Variants in FILIP1L observed in about 807,000 individuals in gnomAD.
FILIP1L encodes the protein filamin A-interacting protein 1-like.
In FILIP1L, 55 loss-of-function variants were observed where a neutral mutation model predicts 96.6. The ratio of observed to expected loss-of-function variants is 0.57; its 90% CI spans 0.46 to 0.71. The LOEUF is 0.71. FILIP1L is among the 30% of genes least tolerant of loss of function. The pLI is 0.00. For missense variants in FILIP1L, 1,304 were observed against 1,321.2 expected, an observed-to-expected ratio of 0.99 and a Z score of 0.20; for synonymous variants, 467 against 473.9, an observed-to-expected ratio of 0.99 and a Z score of 0.19.
intron 4 of FILIP1L, among the ~76,000 whole-genome samples, chr3:99,892,539 C>T (rs1205342734): frequency 6.6e-6 from 1 of 152,200 alleles, no homozygotes; most frequent in Non-Finnish European, 1.5e-5. Flanking sequence ...CTCCCTGGTT[C>T]TTGTGGCTTT....
chr3:99,890,768 G>A (rs1359540613), intron 4 of FILIP1L, among the ~76,000 whole-genome samples: 3 of 150,964 alleles, frequency 2.0e-5, no homozygotes, highest in South Asian at 4.2e-4. Flanking sequence ...CTTACATGCT[G>A]TCTGATTATT....
intron 1 of FILIP1L, among the ~76,000 whole-genome samples, chr3:100,024,772 C>G (rs1210433304): frequency 1.3e-5 from 2 of 152,148 alleles, no homozygotes; most frequent in Non-Finnish European, 2.9e-5. Flanking sequence ...GTTACGGAGG[C>G]TTCTGAATCT....
In FILIP1L at chr3:100,090,153, T is replaced by C. The variant is rs139240193; in HGVS notation, c.-11+23900A>G. The stretch of plus-strand genomic sequence containing the variant: ...GCTTGTTCCAAGGGCAGTCCCTCCC[T>C]AAACTATGAAGCACTCTATGAATGC... On this transcript the variant is annotated intron_variant, in intron 1 of 5. Coordinates refer to ENST00000477258, the MANE Select transcript of FILIP1L (RefSeq NM_001387850.1). 4.6e-3 allele frequency among the ~76,000 whole-genome samples: 706 copies of C among 152,298 alleles called. 2 individuals are homozygous for C. The highest frequency in any genetic ancestry group is 7.0e-3 in the South Asian group (34 of 4,824).
chr3:100,021,967 G>C (rs1392025571), intron 1 of FILIP1L, among the ~76,000 whole-genome samples: 1 of 116,084 alleles, frequency 8.6e-6, no homozygotes, highest in Non-Finnish European at 1.9e-5. Flanking sequence ...GTGTGAGAGA[G>C]AGAGAGAGAG....
chr3:100,076,706 CCT>C (rs1045704959), intron 1 of FILIP1L, among the ~76,000 whole-genome samples: 4 of 152,182 alleles, frequency 2.6e-5, no homozygotes, highest in African/African-American at 9.7e-5. Context: ...TTTGACTTCA[CCT>C]CTGTTTCTTC....
chr3:99,980,957 C>G (rs569960666), intron 1 of FILIP1L, among the ~76,000 whole-genome samples: 2 of 152,180 alleles, frequency 1.3e-5, no homozygotes, highest in South Asian at 4.1e-4. Context: ...ACAATTGGGA[C>G]CCATTTAACC....
At chr3:99,994,711 G>C (rs560704768) in intron 1 of FILIP1L, among the ~76,000 whole-genome samples, 1 of 152,266 alleles carries the variant, frequency 6.6e-6, no homozygotes, top group African/African-American at 2.4e-5. Flanking sequence ...GCACTCCCAC[G>C]TGGCTGGGGA....
intron 1 of FILIP1L, among the ~76,000 whole-genome samples, chr3:99,985,748 C>T (rs1337577837): frequency 6.6e-6 from 1 of 152,010 alleles, no homozygotes; most frequent in Non-Finnish European, 1.5e-5. Flanking sequence ...GCTACCATGC[C>T]CAGCTGGTTT....
intron 1 of FILIP1L, among the ~76,000 whole-genome samples, chr3:100,100,129 G>A (rs1220851330): frequency 6.6e-6 from 1 of 152,128 alleles, no homozygotes; most frequent in African/African-American, 2.4e-5. Flanking sequence ...GAAAGGAATG[G>A]CCTGGAAGTG....
chr3:100,044,757 A>T lies in FILIP1L; in HGVS notation c.-11+69296T>A, dbSNP rs188353356. The stretch of plus-strand genomic sequence containing the variant: ...ATTATTGTACCTCATCACACAGTAG[A>T]TGAGAGAAGGAAACCAATGTGAAAA... On this transcript the variant is annotated intron_variant, in intron 1 of 5. Transcript: ENST00000477258. Among the ~76,000 whole-genome samples the T allele has an allele frequency of 1.6e-4, 24 of 152,278 alleles. No homozygotes were observed. The East Asian group carries it at 3.7e-3, about 23-fold the overall frequency.
intron 1 of FILIP1L, among the ~76,000 whole-genome samples, chr3:99,949,992 T>A (rs1370269803): frequency 6.6e-6 from 1 of 152,196 alleles, no homozygotes; most frequent in Non-Finnish European, 1.5e-5. Context: ...TTTACTTTCA[T>A]AATCAAAGGT....
chr3:99,912,871 G>A (rs189645375), intron 4 of FILIP1L, among the ~76,000 whole-genome samples: 1 of 152,292 alleles, frequency 6.6e-6, no homozygotes, highest in East Asian at 1.9e-4. Flanking sequence ...GTACCTAAGA[G>A]TAGAATTGCT....
intron 1 of FILIP1L, among the ~76,000 whole-genome samples, chr3:100,015,890 C>T (rs1271487155): frequency 6.6e-6 from 1 of 152,116 alleles, no homozygotes; most frequent in Non-Finnish European, 1.5e-5. Context: ...GTGGAGAACC[C>T]AAAAATTGTT....
At chr3:99,974,629 C>A (rs1051681506) in intron 1 of FILIP1L, among the ~76,000 whole-genome samples, 6 of 151,988 alleles carry the variant, frequency 3.9e-5, no homozygotes, top group African/African-American at 1.4e-4. Context: ...ATCACTTGAA[C>A]CCAGGAGGCG....
chr3:100,082,516 G>A (rs552711951), intron 1 of FILIP1L, among the ~76,000 whole-genome samples: 1 of 152,180 alleles, frequency 6.6e-6, no homozygotes, highest in Admixed American at 6.5e-5. Flanking sequence ...GGAATCTCTT[G>A]GAGAAGACAG....
At chr3:99,889,639 C>T (rs973586083) in intron 4 of FILIP1L, among the ~76,000 whole-genome samples, 1 of 151,882 alleles carries the variant, frequency 6.6e-6, no homozygotes, top group Non-Finnish European at 1.5e-5. Flanking sequence ...GCTTTTATCT[C>T]ATTTCTTGGC....
intron 1 of FILIP1L, among the ~76,000 whole-genome samples, chr3:99,991,834 A>ATGTGTG (rs1374667949): frequency 1.1e-3 from 89 of 84,500 alleles, no homozygotes; most frequent in African/African-American, 3.2e-3. Flanking sequence ...GTATATATAT[A>ATGTGTG]TATGTGTGTG....
At chr3:100,068,380 G>A (rs1053158984) in intron 1 of FILIP1L, among the ~76,000 whole-genome samples, 1 of 140,306 alleles carries the variant, frequency 7.1e-6, no homozygotes, top group South Asian at 2.3e-4. Flanking sequence ...GTGTGTGTGT[G>A]TGTCAGAGAG....
At chr3:99,934,073 A>G (rs926428028) in intron 1 of FILIP1L, among the ~76,000 whole-genome samples, 2 of 152,202 alleles carry the variant, frequency 1.3e-5, no homozygotes, top group Non-Finnish European at 2.9e-5. Flanking sequence ...TCTCAGCTGT[A>G]TGTGACTCTC....
Sources: allele counts gnomAD v4.1 joint callset (sites outside exome capture counted in the v4.1 genomes callset), GRCh38; gene constraint gnomAD v4.1.1; transcripts MANE v1.5; gene names NCBI Gene and HGNC (gene_info 2026-07-23, HGNC 2026-07-21).